Variants in C10orf67 observed in about 807,000 individuals in gnomAD.
C10orf67 encodes uncharacterized protein C10orf67, mitochondrial.
In C10orf67, 60 loss-of-function variants were observed where a neutral mutation model predicts 35.6. That is an observed-to-expected ratio of 1.68 (90% CI 1.37 to 2.09). The LOEUF (loss-of-function observed/expected upper bound fraction) is 2.09, where lower values mean the gene tolerates loss of function less well. Ranked by LOEUF, C10orf67 falls within the 30% of genes most tolerant of loss-of-function variation. The pLI is 0.00. For synonymous variants in C10orf67, 167 were observed against 115.8 expected (o/e 1.44, Z -2.84); for missense variants, 474 against 330.2 (o/e 1.44, Z -3.38).
At chr10:23,293,311 C>T (rs1843778904) in intron 5 of C10orf67, among the ~76,000 whole-genome samples, 1 of 152,220 alleles carries the variant, frequency 6.6e-6, no homozygotes, top group African/African-American at 2.4e-5. Context: ...AAGGTTAACC[C>T]TTAGCTCTGT....
intron 8 of C10orf67, among the ~76,000 whole-genome samples, chr10:23,280,309 A>C (rs777028003): frequency 1.3e-5 from 2 of 152,232 alleles, no homozygotes; most frequent in Non-Finnish European, 2.9e-5. Flanking sequence ...TTTTTACAAA[A>C]CGACTGTGGT....
intron 8 of C10orf67, among the ~76,000 whole-genome samples, chr10:23,274,102 G>A (rs1196197959): frequency 6.6e-6 from 1 of 152,098 alleles, no homozygotes; most frequent in Non-Finnish European, 1.5e-5. Flanking sequence ...TTCAAAAGGG[G>A]AGGCAGTGTA....
chr10:23,320,724 C>A lies in C10orf67; in HGVS notation c.546+17G>T. 6.4e-7 allele frequency: 1 copy of A among 1,573,098 alleles called. No individual in the cohort carries two copies. The highest frequency in any genetic ancestry group is 1.3e-5 in the African/African-American group (1 of 74,458). On this transcript the variant is annotated intron_variant, in intron 4 of 15. Coordinates refer to ENST00000636213, the MANE Select transcript of C10orf67 (RefSeq NM_001371909.1). ...CTAGCCTTGCCCACAACTACGGCAC[C>A]AGAAACAGAAACTCACCTGGTACAT...
In C10orf67 at chr10:23,235,899, G is replaced by A. The variant is rs550154305; in HGVS notation, c.1434+3830C>T. On this transcript the variant is annotated intron_variant, in intron 13 of 15. Coordinates refer to ENST00000636213, the MANE Select transcript of C10orf67 (RefSeq NM_001371909.1). ...AGGGAGGCCAAGGTGGGTGGATCAC[G>A]AGGTCAGGAGTTCGAGACCAGCCTG... 1.2e-4 allele frequency among the ~76,000 whole-genome samples: 18 copies of A among 151,582 alleles called. No individual in the cohort carries two copies. The South Asian group carries it at 2.5e-3, about 21-fold the overall frequency.
chr10:23,311,871 G>A (rs4747461), intron 4 of C10orf67, among the ~76,000 whole-genome samples: 11,774 of 152,070 alleles, frequency 0.077, 1,403 homozygotes, highest in East Asian at 0.62. Flanking sequence ...TTAAGGTCCC[G>A]GTGTTAGTTT....
chr10:23,277,162 T>A lies in C10orf67; in HGVS notation c.975+4851A>T, dbSNP rs1003879077. Among the ~76,000 whole-genome samples the A allele has an allele frequency of 4.0e-5, 6 of 151,848 alleles. 1 individual carries two copies. The East Asian group carries it at 1.2e-3, about 29-fold the overall frequency. On this transcript the variant is annotated intron_variant, in intron 8 of 15. Coordinates refer to ENST00000636213, the MANE Select transcript of C10orf67 (RefSeq NM_001371909.1). ...ATGGTCTCACAAGTGGACACTGGAG[T>A]TTTTCAGAAGCTACGTGATATTTAT...
intron 7 of C10orf67, among the ~76,000 whole-genome samples, chr10:23,287,254 C>T (rs1241798071): frequency 6.6e-6 from 1 of 152,192 alleles, no homozygotes; most frequent in Non-Finnish European, 1.5e-5. Flanking sequence ...ACCAAAACAG[C>T]ATGGTACTGG....
At chr10:23,221,010 A>C (rs1202230367) in intron 15 of C10orf67, among the ~76,000 whole-genome samples, 2 of 152,174 alleles carry the variant, frequency 1.3e-5, no homozygotes, top group African/African-American at 4.8e-5. Flanking sequence ...ATCTGTTACC[A>C]AATAGGTTAT....
At chr10:23,265,998 T>G (rs549637322) in intron 10 of C10orf67, among the ~76,000 whole-genome samples, 30 of 152,208 alleles carry the variant, frequency 2.0e-4, no homozygotes, top group Non-Finnish European at 3.5e-4. Flanking sequence ...AGCTTCTCTA[T>G]TTTGGTAATT....
intron 4 of C10orf67, among the ~76,000 whole-genome samples, chr10:23,315,137 G>A (rs2132318287): frequency 6.6e-6 from 1 of 152,282 alleles, no homozygotes; most frequent in South Asian, 2.1e-4. Context: ...ATGCCAACAA[G>A]CCAAAGCAAA....
At chr10:23,322,650 G>T in intron 2 of C10orf67, 113 bp from the exon 3 acceptor site, 1 of 658,854 alleles carries the variant, frequency 1.5e-6, no homozygotes, top group Non-Finnish European at 2.6e-6. Context: ...TGTGCACAAA[G>T]AGGGGAGCAA....
intron 2 of C10orf67, among the ~76,000 whole-genome samples, chr10:23,328,993 C>CAAAAAAAAAAAAAAAAAAAGAAAA (rs1845312488): frequency 2.0e-4 from 16 of 78,730 alleles, no homozygotes; most frequent in South Asian, 9.3e-4. Flanking sequence ...CATAAACGAA[C>CAAAAAAAAAAAAAAAAAAAGAAAA]AAAAAAAAAA....
At chr10:23,217,650 C>T (rs1278023500) in intron 15 of C10orf67, among the ~76,000 whole-genome samples, 2 of 152,190 alleles carry the variant, frequency 1.3e-5, no homozygotes, top group African/African-American at 4.8e-5. Context: ...CATGGCTCAA[C>T]TGGACTAACA....
At chr10:23,334,627 G>A (rs987104267) in intron 1 of C10orf67, among the ~76,000 whole-genome samples, 1 of 152,222 alleles carries the variant, frequency 6.6e-6, no homozygotes, top group African/African-American at 2.4e-5. Flanking sequence ...TCCAAGCTGG[G>A]CTAAGCCCAT....
chr10:23,246,622 C>A (rs531865238), intron 12 of C10orf67, among the ~76,000 whole-genome samples: 6 of 152,290 alleles, frequency 3.9e-5, no homozygotes, highest in Admixed American at 1.3e-4. Flanking sequence ...AGATGGACTG[C>A]ATATACAATG....
chr10:23,241,487 G>A (rs555631519), intron 12 of C10orf67, among the ~76,000 whole-genome samples: 56 of 152,250 alleles, frequency 3.7e-4, no homozygotes, highest in African/African-American at 1.3e-3. Flanking sequence ...ATTATTTGGG[G>A]GCCAGAAGGT....
At chr10:23,293,283 C>A (rs970333901) in intron 5 of C10orf67, among the ~76,000 whole-genome samples, 5 of 152,186 alleles carry the variant, frequency 3.3e-5, no homozygotes, top group African/African-American at 1.2e-4. Context: ...CATATCAAAC[C>A]ACAACCCCTG....
At chr10:23,282,100 A>G in intron 7 of C10orf67, 22 bp from the exon 8 acceptor site, 1 of 532,024 alleles carries the variant, frequency 1.9e-6, no homozygotes, top group Non-Finnish European at 3.4e-6. Context: ...AAGAAATTAT[A>G]TTTTTATTAA....
At chr10:23,214,165 A>G (rs1043332899) in intron 15 of C10orf67, among the ~76,000 whole-genome samples, 8 of 152,132 alleles carry the variant, frequency 5.3e-5, no homozygotes, top group African/African-American at 2.4e-5. Flanking sequence ...TTTAAAATGT[A>G]TAACAAAAAA....
Sources: gnomAD v4.1 joint callset for allele counts (sites outside exome capture counted in the v4.1 genomes callset) on GRCh38, gnomAD v4.1.1 for gene constraint, MANE v1.5 for transcripts, NCBI Gene and HGNC (gene_info 2026-07-23, HGNC 2026-07-21) for gene names.